The following SSBP2 variants were observed in gnomAD, a reference collection of about 807,000 sequenced individuals.
SSBP2 encodes the protein single stranded DNA binding protein 2, also known as single-stranded DNA-binding protein 2.
A neutral mutation model predicts 61.8 loss-of-function variants in SSBP2; 17 were observed. The ratio of observed to expected loss-of-function variants is 0.28; its 90% CI spans 0.19 to 0.41. SSBP2 has a LOEUF of 0.41. Ranked by LOEUF, SSBP2 falls within the 10% of genes least tolerant of loss-of-function variation. The probability of loss-of-function intolerance (pLI) is 1.00; values close to 1 mark genes in which losing one functional copy is unlikely to be tolerated. For synonymous variants in SSBP2, 139 were observed against 141.3 expected, an observed-to-expected ratio of 0.98 and a Z score of 0.12; for missense variants, 310 against 458.7, an observed-to-expected ratio of 0.68 and a Z score of 2.96.
chr5:81,743,525 C>G (rs1757166256), intron 1 of SSBP2, among the ~76,000 whole-genome samples: 1 of 152,180 alleles, frequency 6.6e-6, no homozygotes, highest in Non-Finnish European at 1.5e-5. Flanking sequence ...CCTTCAAAGT[C>G]TCATGAAAGC....
At chr5:81,731,664 G>A (rs1267833897) in intron 1 of SSBP2, among the ~76,000 whole-genome samples, 1 of 152,032 alleles carries the variant, frequency 6.6e-6, no homozygotes, top group East Asian at 1.9e-4. Flanking sequence ...CATGTTAAAA[G>A]ATATTCTTTC....
At chr5:81,569,376 C>T (rs1289322891) in intron 4 of SSBP2, among the ~76,000 whole-genome samples, 1 of 151,992 alleles carries the variant, frequency 6.6e-6, no homozygotes, top group East Asian at 1.9e-4. Flanking sequence ...AACAGTTTAA[C>T]AAAAGTAGAC....
chr5:81,562,568 T>C (rs183142985), intron 4 of SSBP2, among the ~76,000 whole-genome samples: 1 of 152,296 alleles, frequency 6.6e-6, no homozygotes, highest in Non-Finnish European at 1.5e-5. Flanking sequence ...AACATGTATA[T>C]AAGAGCAAAC....
At chr5:81,520,406 G>A (rs957693120) in intron 4 of SSBP2, among the ~76,000 whole-genome samples, 4 of 151,986 alleles carry the variant, frequency 2.6e-5, no homozygotes, top group Admixed American at 1.3e-4. Context: ...GCCATCTAAT[G>A]ATTATAATTT....
intron 16 of SSBP2, among the ~76,000 whole-genome samples, chr5:81,420,942 C>A (rs536413745): frequency 6.6e-6 from 1 of 152,194 alleles, no homozygotes; most frequent in African/African-American, 2.4e-5. Context: ...GAGGAGGCTA[C>A]CTAACCTGTC....
chr5:81,641,856 T>A (rs924121543), intron 2 of SSBP2, among the ~76,000 whole-genome samples: 6 of 152,176 alleles, frequency 3.9e-5, no homozygotes, highest in Non-Finnish European at 5.9e-5. Context: ...AATCATGCTC[T>A]ACTGGTTTTT....
At chr5:81,688,174 AG>A (rs1728681113) in intron 1 of SSBP2, among the ~76,000 whole-genome samples, 1 of 152,144 alleles carries the variant, frequency 6.6e-6, no homozygotes, top group South Asian at 2.1e-4. Context: ...TAGGAGCCAC[AG>A]GGAGATTCCT....
chr5:81,631,216 C>T (rs546005655), intron 3 of SSBP2, among the ~76,000 whole-genome samples: 6 of 152,204 alleles, frequency 3.9e-5, no homozygotes, highest in East Asian at 3.9e-4. Context: ...ACCAAAAGAC[C>T]GCACCTGTTC....
chr5:81,444,744 T>C (rs1763262127), intron 12 of SSBP2, among the ~76,000 whole-genome samples: 1 of 152,168 alleles, frequency 6.6e-6, no homozygotes, highest in Non-Finnish European at 1.5e-5. Flanking sequence ...ATTTTAAATG[T>C]GCACAAAGAA....
intron 1 of SSBP2, among the ~76,000 whole-genome samples, chr5:81,680,028 C>A (rs1393419586): frequency 1.3e-5 from 2 of 151,618 alleles, no homozygotes; most frequent in Non-Finnish European, 2.9e-5. Flanking sequence ...TCAGACACTG[C>A]TGTTCCTAGT....
intron 1 of SSBP2, among the ~76,000 whole-genome samples, chr5:81,680,986 T>C (rs1250104270): frequency 6.6e-6 from 1 of 152,162 alleles, no homozygotes; most frequent in Non-Finnish European, 1.5e-5. Flanking sequence ...TTCAAGTTCA[T>C]ATGGAACATT....
At chr5:81,688,611 G>C (rs1752993640) in intron 1 of SSBP2, among the ~76,000 whole-genome samples, 1 of 152,196 alleles carries the variant, frequency 6.6e-6, no homozygotes, top group Non-Finnish European at 1.5e-5. Context: ...AAGAATAAGA[G>C]TTTCCACCAG....
chr5:81,504,865 A>G (rs943108304), intron 5 of SSBP2, among the ~76,000 whole-genome samples: 2 of 152,172 alleles, frequency 1.3e-5, no homozygotes, highest in East Asian at 3.8e-4. Context: ...TTAGCTAGTG[A>G]TCCTCAAATT....
chr5:81,670,781 T>C (rs1751528457), intron 1 of SSBP2, among the ~76,000 whole-genome samples: 1 of 152,216 alleles, frequency 6.6e-6, no homozygotes, highest in Non-Finnish European at 1.5e-5. Flanking sequence ...TGCTTTCCTT[T>C]CCCATCCACT....
intron 5 of SSBP2, among the ~76,000 whole-genome samples, chr5:81,496,909 T>A (rs1767330316): frequency 6.6e-6 from 1 of 152,336 alleles, no homozygotes; most frequent in East Asian, 1.9e-4. Context: ...ATAAATAAAT[T>A]GTTTGATGTG....
chr5:81,417,056 G>T lies in SSBP2; in HGVS notation c.*3448C>A, dbSNP rs1761337579. 1 of 152,092 alleles carries T rather than the reference G, an allele frequency of 6.6e-6. No individual in the cohort carries two copies. Among genetic ancestry groups the T allele is most frequent in the Non-Finnish European group, 1.5e-5 (1 of 68,052 alleles). The allele number at this position is 152,092 out of a possible 1,614,324, so 9.4% of individuals were successfully genotyped here. The stretch of plus-strand genomic sequence containing the variant: ...TTTGTATTTTTAGTAGAGATGGGGG[G>T]GTTTCACCAGGTTGGCCAGGCTGGT... On this transcript the variant is annotated 3_prime_UTR_variant, in exon 17 of 17. Coordinates refer to ENST00000320672, the MANE Select transcript of SSBP2 (RefSeq NM_012446.5).
chr5:81,461,574 G>T (rs974954898), intron 9 of SSBP2, among the ~76,000 whole-genome samples: 6 of 143,726 alleles, frequency 4.2e-5, no homozygotes, highest in African/African-American at 1.6e-4. Flanking sequence ...TATATAAAAG[G>T]TATCTAAAGT....
chr5:81,462,572 A>G (rs996978207), intron 9 of SSBP2, among the ~76,000 whole-genome samples: 1 of 152,156 alleles, frequency 6.6e-6, no homozygotes, highest in Non-Finnish European at 1.5e-5. Flanking sequence ...TTGTCTTTGG[A>G]AATTGTTGCC....
intron 1 of SSBP2, among the ~76,000 whole-genome samples, chr5:81,715,562 C>T (rs770261809): frequency 2.0e-5 from 3 of 152,118 alleles, no homozygotes; most frequent in Non-Finnish European, 4.4e-5. Context: ...AACAAACCTA[C>T]CTTTTAACAA....
Sources: allele counts gnomAD v4.1 joint callset (sites outside exome capture counted in the v4.1 genomes callset), GRCh38; gene constraint gnomAD v4.1.1; transcripts MANE v1.5; gene names NCBI Gene and HGNC (gene_info 2026-07-23, HGNC 2026-07-21).